The following NCKAP5 variants were observed in gnomAD, a reference collection of about 807,000 sequenced individuals.
NCKAP5 encodes nck-associated protein 5.
NCKAP5 carries 92 observed loss-of-function variants against 167.0 expected under a neutral mutation model. The ratio of observed to expected loss-of-function variants is 0.55; its 90% CI spans 0.47 to 0.66. The LOEUF (loss-of-function observed/expected upper bound fraction) is 0.66. NCKAP5 is among the 30% of genes least tolerant of loss of function. The probability of loss-of-function intolerance (pLI) is 0.00; values close to 1 mark genes in which losing one functional copy is unlikely to be tolerated. For synonymous variants in NCKAP5, 891 were observed against 877.4 expected (o/e 1.02, Z -0.27); for missense variants, 2,378 against 2,315.0 (o/e 1.03, Z -0.56).
intron 7 of NCKAP5, among the ~76,000 whole-genome samples, chr2:132,989,855 A>G (rs2077400017): frequency 6.6e-6 from 1 of 152,122 alleles, no homozygotes; most frequent in Non-Finnish European, 1.5e-5. Context: ...GTCCCTGAAG[A>G]TTTGAGACCT....
At chr2:132,912,180 G>A (rs1446366429) in intron 8 of NCKAP5, among the ~76,000 whole-genome samples, 1 of 152,032 alleles carries the variant, frequency 6.6e-6, no homozygotes, top group Non-Finnish European at 1.5e-5. Flanking sequence ...CCTCCAACAG[G>A]ACCATACAGG....
intron 4 of NCKAP5, among the ~76,000 whole-genome samples, chr2:133,262,342 A>G (rs1168596560): frequency 6.6e-6 from 1 of 152,210 alleles, no homozygotes; most frequent in Admixed American, 6.5e-5. Flanking sequence ...TAGAGGCCAT[A>G]GTTTTACCTA....
At chr2:133,012,497 C>G (rs1043362684) in intron 6 of NCKAP5, among the ~76,000 whole-genome samples, 1 of 152,214 alleles carries the variant, frequency 6.6e-6, no homozygotes, top group Non-Finnish European at 1.5e-5. Flanking sequence ...ATCTGCCCGC[C>G]TCGGCCTCCC....
At chr2:132,793,317 T>A (rs957388492) in intron 12 of NCKAP5, among the ~76,000 whole-genome samples, 6 of 152,076 alleles carry the variant, frequency 3.9e-5, no homozygotes, top group Admixed American at 3.3e-4. Flanking sequence ...CGAGATGCCC[T>A]GATGTGATGG....
At chr2:133,625,933 C>T in the NCKAP5 span, among the ~76,000 whole-genome samples, 2 of 150,280 alleles carry the variant, frequency 1.3e-5, no homozygotes, top group African/African-American at 4.9e-5. Context: ...TGTTTAAATA[C>T]ACAAGTTCAT....
At chr2:133,069,371 C>A (rs2080310455) in intron 6 of NCKAP5, among the ~76,000 whole-genome samples, 1 of 152,184 alleles carries the variant, frequency 6.6e-6, no homozygotes, top group Admixed American at 6.5e-5. Context: ...GACACTAAAT[C>A]TTCTTTGTCT....
chr2:133,142,860 C>A (rs542801961), intron 5 of NCKAP5, among the ~76,000 whole-genome samples: 1 of 152,114 alleles, frequency 6.6e-6, no homozygotes, highest in African/African-American at 2.4e-5. Context: ...ATTTTCAAGA[C>A]TTTGGCAGAG....
intron 17 of NCKAP5, among the ~76,000 whole-genome samples, chr2:132,731,136 G>A (rs79523347): frequency 0.061 from 9,275 of 152,172 alleles, 946 homozygotes; most frequent in African/African-American, 0.21. Flanking sequence ...ATTTTTAATC[G>A]TGAGGGAACA....
the NCKAP5 span, among the ~76,000 whole-genome samples, chr2:133,611,112 C>T: frequency 1.3e-3 from 140 of 108,460 alleles, no homozygotes; most frequent in African/African-American, 4.1e-3. Context: ...GCTAGCCCCC[C>T]ATGTTAATGC....
intron 6 of NCKAP5, among the ~76,000 whole-genome samples, chr2:133,069,979 A>G (rs993909112): frequency 5.9e-5 from 9 of 152,192 alleles, no homozygotes; most frequent in Non-Finnish European, 1.2e-4. Flanking sequence ...AATTTCAACT[A>G]AAGTAGGTAT....
In NCKAP5 at chr2:133,115,817, AGTGTT is replaced by A. The variant is rs1304150647; in HGVS notation, c.341+14156_341+14160del. ...TATATATATATATATATATATATAT[AGTGTT>A]CACACACACACACACACACACGCCC... On this transcript the variant is annotated intron_variant, in intron 6 of 19. Transcript: ENST00000409261. Among the ~76,000 whole-genome samples the A allele has an allele frequency of 1.2e-3, 91 of 75,170 alleles. 1 individual carries two copies. The highest frequency in any genetic ancestry group is 5.5e-3 in the African/African-American group (85 of 15,566). The allele number at this position is 75,170 out of a possible 152,430, so 49.3% of individuals were successfully genotyped here.
Position 132,808,788 on chromosome 2 carries a change from T to G in NCKAP5, c.808-12059A>C, listed in dbSNP as rs1685636621. On this transcript the variant is annotated intron_variant, in intron 11 of 19. Transcript: ENST00000409261. ...TCATTTAGTTCTGCTGTGATCTTGG[T>G]TATTTCCTTTCTACTGCTGGGTTTG... is the stretch of plus-strand genomic sequence containing the variant. Among the ~76,000 whole-genome samples the G allele has an allele frequency of 2.0e-5, 3 of 152,284 alleles. No homozygotes were observed. In the South Asian group the frequency reaches 6.2e-4, roughly 32 times the overall value.
chr2:132,737,201 G>GT (rs1691607949), intron 16 of NCKAP5, among the ~76,000 whole-genome samples: 1 of 152,128 alleles, frequency 6.6e-6, no homozygotes. Flanking sequence ...CTCCATCTCG[G>GT]TACACCTGGA....
At chr2:133,572,147 G>A (rs1015919403), upstream of NCKAP5, among the ~76,000 whole-genome samples, 5 of 152,210 alleles carry the variant, frequency 3.3e-5, no homozygotes, top group African/African-American at 1.2e-4. Context: ...ACTCAGGTCT[G>A]CCTGACCCTC....
intron 7 of NCKAP5, among the ~76,000 whole-genome samples, chr2:132,985,456 T>C (rs142589821): frequency 6.6e-6 from 1 of 152,340 alleles, no homozygotes; most frequent in Non-Finnish European, 1.5e-5. Flanking sequence ...AATGAAACTG[T>C]TTTGAAAACT....
intron 16 of NCKAP5, among the ~76,000 whole-genome samples, chr2:132,762,666 G>C (rs1194680038): frequency 6.6e-6 from 1 of 152,178 alleles, no homozygotes; most frequent in Admixed American, 6.5e-5. Flanking sequence ...TCAGCTTCCC[G>C]ATCTGTAGCA....
chr2:133,085,843 G>T (rs2080970798), intron 6 of NCKAP5, among the ~76,000 whole-genome samples: 1 of 152,092 alleles, frequency 6.6e-6, no homozygotes, highest in African/African-American at 2.4e-5. Context: ...ACTAGAACCA[G>T]ATGTCACTCC....
At chr2:133,185,326 G>C (rs2084899604) in intron 5 of NCKAP5, among the ~76,000 whole-genome samples, 1 of 152,066 alleles carries the variant, frequency 6.6e-6, no homozygotes, top group Non-Finnish European at 1.5e-5. Flanking sequence ...CTATGTGTCT[G>C]CTTTTGCACC....
intron 8 of NCKAP5, among the ~76,000 whole-genome samples, chr2:132,931,968 G>C (rs17398599): frequency 0.11 from 16,607 of 152,184 alleles, 1,073 homozygotes; most frequent in Middle Eastern, 0.18. Flanking sequence ...AGAGACATTT[G>C]AAAAAGAGTG....
Sources: allele counts gnomAD v4.1 joint callset (sites outside exome capture counted in the v4.1 genomes callset), GRCh38; gene constraint gnomAD v4.1.1; transcripts MANE v1.5; gene names NCBI Gene and HGNC (gene_info 2026-07-23, HGNC 2026-07-21).